The following SH3GL2 variants were observed in gnomAD, a reference collection of about 807,000 sequenced individuals.
The protein encoded by SH3GL2 is SH3 domain containing GRB2 like 2, endophilin A1, also known as endophilin-A1.
A neutral mutation model predicts 46.0 loss-of-function variants in SH3GL2; 24 were observed. The observed-to-expected ratio is 0.52, with a 90% CI of 0.38 to 0.73. The LOEUF (loss-of-function observed/expected upper bound fraction) is 0.73. Among genes scored for constraint, SH3GL2 ranks in the 30% least tolerant of loss-of-function variants. The probability of loss-of-function intolerance (pLI) is 0.00; values close to 1 mark genes in which losing one functional copy is unlikely to be tolerated. For synonymous variants in SH3GL2, 196 were observed against 147.1 expected, an observed-to-expected ratio of 1.33 and a Z score of -2.40; for missense variants, 413 against 424.2, an observed-to-expected ratio of 0.97 and a Z score of 0.23.
chr9:17,655,881 G>C (rs1820063234), intron 1 of SH3GL2, among the ~76,000 whole-genome samples: 1 of 152,144 alleles, frequency 6.6e-6, no homozygotes, highest in African/African-American at 2.4e-5. Flanking sequence ...GATAGAGGTG[G>C]GTCCAGGTCA....
chr9:17,771,711 C>T (rs1469436454), intron 3 of SH3GL2, among the ~76,000 whole-genome samples: 2 of 152,164 alleles, frequency 1.3e-5, no homozygotes, highest in Admixed American at 6.5e-5. Context: ...TGTTTGCTGC[C>T]CCATGTCACA....
intron 1 of SH3GL2, among the ~76,000 whole-genome samples, chr9:17,739,458 G>A: frequency 6.6e-6 from 1 of 152,032 alleles, no homozygotes; most frequent in African/African-American, 2.4e-5. Context: ...AACTTCAATG[G>A]CTTATTGCAG....
intron 1 of SH3GL2, among the ~76,000 whole-genome samples, chr9:17,708,762 T>C (rs978253917): frequency 2.0e-5 from 3 of 151,930 alleles, no homozygotes; most frequent in Non-Finnish European, 4.4e-5. Flanking sequence ...GCTGTTTGCA[T>C]GGCCCCATTT....
chr9:17,598,885 G>C (rs994398456), intron 1 of SH3GL2, among the ~76,000 whole-genome samples: 10 of 152,112 alleles, frequency 6.6e-5, no homozygotes, highest in African/African-American at 2.4e-5. Context: ...CGGTATTAAT[G>C]GTGGAGGCAG....
At chr9:17,715,567 CACTAAT>C (rs1195666733) in intron 1 of SH3GL2, among the ~76,000 whole-genome samples, 1 of 151,680 alleles carries the variant, frequency 6.6e-6, no homozygotes, top group Admixed American at 6.6e-5. Context: ...CTTTAAATTT[CACTAAT>C]CATTTTTCCT....
chr9:17,767,695 G>C (rs972815564), intron 3 of SH3GL2, among the ~76,000 whole-genome samples: 3 of 152,206 alleles, frequency 2.0e-5, no homozygotes, highest in South Asian at 4.1e-4. Flanking sequence ...TAAGGGATGT[G>C]TGCTGAGTCT....
At chr9:17,672,552 G>A (rs988234800) in intron 1 of SH3GL2, among the ~76,000 whole-genome samples, 1 of 152,146 alleles carries the variant, frequency 6.6e-6, no homozygotes, top group East Asian at 1.9e-4. Flanking sequence ...TTTAGTGAAT[G>A]TGGGGATCCT....
At chr9:17,722,300 T>G (rs750471805) in intron 1 of SH3GL2, among the ~76,000 whole-genome samples, 50 of 152,226 alleles carry the variant, frequency 3.3e-4, no homozygotes, top group African/African-American at 4.1e-4. Context: ...TTAGACAAAA[T>G]GTCAGTTGTC....
intron 1 of SH3GL2, among the ~76,000 whole-genome samples, chr9:17,627,550 A>G (rs1819311502): frequency 6.6e-6 from 1 of 152,254 alleles, no homozygotes; most frequent in South Asian, 2.1e-4. Flanking sequence ...AATCATTATT[A>G]CAAGGTATTT....
At chr9:17,794,584 C>G (rs1464260896) in intron 8 of SH3GL2, among the ~76,000 whole-genome samples, 1 of 152,164 alleles carries the variant, frequency 6.6e-6, no homozygotes, top group African/African-American at 2.4e-5. Flanking sequence ...TTGCTTCTTT[C>G]TCTAAATAAA....
chr9:17,693,035 A>G (rs1327662386), intron 1 of SH3GL2, among the ~76,000 whole-genome samples: 1 of 152,196 alleles, frequency 6.6e-6, no homozygotes, highest in East Asian at 1.9e-4. Context: ...TCTGAGAGAT[A>G]AATTCAAGTT....
At chr9:17,702,259 G>A (rs1821357432) in intron 1 of SH3GL2, among the ~76,000 whole-genome samples, 1 of 151,820 alleles carries the variant, frequency 6.6e-6, no homozygotes. Flanking sequence ...ATTTTCCAGT[G>A]GAATAAATAA....
intron 1 of SH3GL2, among the ~76,000 whole-genome samples, chr9:17,588,457 C>T (rs1253218961): frequency 1.3e-5 from 2 of 152,096 alleles, no homozygotes; most frequent in East Asian, 3.9e-4. Context: ...TTTTCTCTGG[C>T]TGGTAGTGGA....
At chr9:17,757,711 A>G (rs1274171322) in intron 2 of SH3GL2, among the ~76,000 whole-genome samples, 3 of 152,240 alleles carry the variant, frequency 2.0e-5, no homozygotes, top group African/African-American at 7.2e-5. Context: ...GTTAAACTGT[A>G]CTGTTCTCAA....
At chr9:17,601,135 C>T (rs1421730083) in intron 1 of SH3GL2, among the ~76,000 whole-genome samples, 2 of 152,190 alleles carry the variant, frequency 1.3e-5, no homozygotes, top group Admixed American at 1.3e-4. Context: ...TGCTCAACGT[C>T]TTCACCTAAT....
intron 1 of SH3GL2, among the ~76,000 whole-genome samples, chr9:17,610,655 C>T (rs1198038153): frequency 1.3e-5 from 2 of 152,020 alleles, no homozygotes; most frequent in Admixed American, 1.3e-4. Context: ...TTTTCATTTT[C>T]CTTTTTTTGA....
chr9:17,747,821 G>A (rs750117049), intron 2 of SH3GL2, among the ~76,000 whole-genome samples: 1 of 151,886 alleles, frequency 6.6e-6, no homozygotes, highest in South Asian at 2.1e-4. Flanking sequence ...TTACAGGCAC[G>A]CACCACCACG....
intron 1 of SH3GL2, among the ~76,000 whole-genome samples, chr9:17,731,435 GAA>G (rs957134831): frequency 2.0e-5 from 3 of 151,132 alleles, no homozygotes; most frequent in African/African-American, 4.9e-5. Flanking sequence ...GAGAGAGAGA[GAA>G]AGAGAGAGAG....
intron 1 of SH3GL2, among the ~76,000 whole-genome samples, chr9:17,710,440 C>A (rs1172887116): frequency 6.6e-6 from 1 of 151,872 alleles, no homozygotes; most frequent in African/African-American, 2.4e-5. Flanking sequence ...TCAGGTATTC[C>A]TTCTAGAAAG....
Sources: gnomAD v4.1 joint callset for allele counts (sites outside exome capture counted in the v4.1 genomes callset) on GRCh38, gnomAD v4.1.1 for gene constraint, MANE v1.5 for transcripts, NCBI Gene and HGNC (gene_info 2026-07-23, HGNC 2026-07-21) for gene names.